Variants in RECQL5 observed in about 807,000 individuals in gnomAD.
RECQL5 encodes the protein RecQ like helicase 5.
In RECQL5, 88 loss-of-function variants were observed where a neutral mutation model predicts 103.4. The ratio of observed to expected loss-of-function variants is 0.85; its 90% CI spans 0.72 to 1.02. RECQL5 has a LOEUF of 1.02. RECQL5 is among the 50% of genes least tolerant of loss of function. RECQL5 has a pLI of 0.00. For missense variants in RECQL5, 1,232 were observed against 1,284.3 expected (o/e 0.96, Z 0.62); for synonymous variants, 552 against 507.9 (o/e 1.09, Z -1.17).
chr17:75,647,588 T>C (rs2059504552), intron 8 of RECQL5: 2 of 1,548,786 alleles, frequency 1.3e-6, no homozygotes, highest in Non-Finnish European at 1.7e-6. Flanking sequence ...GGGACTGAGA[T>C]GGCAGCAGGG....
chr17:75,632,166 A>G (rs1291425779), intron 8 of RECQL5, among the ~76,000 whole-genome samples: 2 of 152,222 alleles, frequency 1.3e-5, no homozygotes, highest in African/African-American at 4.8e-5. Flanking sequence ...TGCACAGCCA[A>G]TGGTGGTCCC....
intron 16 of RECQL5, 68 bp downstream of exon 16, chr17:75,628,866 C>T (rs562416500): frequency 1.4e-4 from 224 of 1,586,418 alleles, no homozygotes; most frequent in Admixed American, 2.0e-4. Context: ...GAGCTTCAGA[C>T]GCCCAGTGAG....
rs576748122 is a variant in RECQL5 at position 75,651,132 on chromosome 17, G to A, written c.1229+54C>T. On this transcript the variant is annotated intron_variant, in intron 8 of 19. Coordinates refer to ENST00000317905, the MANE Select transcript of RECQL5 (RefSeq NM_004259.7). ...CAGCTGCTTAACTAGGGCGTGCCGGGGAAGTAAATGATCTCACTGACACTT... is the reference window on the plus strand; with the variant it reads ...CAGCTGCTTAACTAGGGCGTGCCGGAGAAGTAAATGATCTCACTGACACTT... 1.2e-5 allele frequency: 20 copies of A among 1,613,784 alleles called. No homozygotes were observed. The African/African-American group carries it at 1.9e-4, about 15-fold the overall frequency.
intron 8 of RECQL5, chr17:75,639,919 G>A (rs1413887348): frequency 2.5e-5 from 9 of 356,772 alleles, no homozygotes; most frequent in African/African-American, 1.7e-4. Flanking sequence ...ACCAGCCGCC[G>A]CCTTGGCCGG....
chr17:75,627,405 G>C lies in RECQL5; in HGVS notation c.*17C>G. 1 of 1,604,084 alleles carries C rather than the reference G, an allele frequency of 6.2e-7. No homozygotes were observed. Among genetic ancestry groups the C allele is most frequent in the South Asian group, 1.1e-5 (1 of 90,872 alleles). On this transcript the variant is annotated 3_prime_UTR_variant, in exon 20 of 20. Coordinates refer to ENST00000317905, the MANE Select transcript of RECQL5 (RefSeq NM_004259.7). ...GAATCTGGGGGAGGACGCGGGCCCT[G>C]CCCAGCCAGCAGTTGGTCATCTCTG...
In RECQL5 at chr17:75,640,990, G is replaced by C; in HGVS notation, c.1230-9322C>G. 2 of 1,498,600 alleles carry C rather than the reference G, an allele frequency of 1.3e-6. No homozygotes were observed. Among genetic ancestry groups the C allele is most frequent in the Non-Finnish European group, 1.8e-6 (2 of 1,121,032 alleles). 92.8% of individuals were successfully genotyped at this position (1,498,600 alleles called of 1,614,324 possible). A position where few individuals can be genotyped will look rare whatever the true frequency, so the allele number is the denominator to read the frequency against. On this transcript the variant is annotated intron_variant, in intron 8 of 19. Coordinates refer to ENST00000317905, the MANE Select transcript of RECQL5 (RefSeq NM_004259.7). The surrounding 1 kb of genome is among the most constrained non-coding windows in gnomAD (Gnocchi z 4.6). ...TGGCCCTGCAGCCCTTACCCCTCAA[G>C]ACCAGGCTCCCCTGGCCCCAGCTCT... is the stretch of plus-strand genomic sequence containing the variant.
chr17:75,666,023 T>C (rs891637203), intron 2 of RECQL5, among the ~76,000 whole-genome samples: 8 of 152,190 alleles, frequency 5.3e-5, no homozygotes, highest in African/African-American at 1.9e-4. Context: ...ACTGTTGCTG[T>C]TCGTTTGTGT....
chr17:75,658,251 G>C (rs1282578462), intron 7 of RECQL5, 47 bp downstream of exon 7: 16 of 1,578,760 alleles, frequency 1.0e-5, no homozygotes, highest in Non-Finnish European at 1.4e-5. Flanking sequence ...CACAAAACTG[G>C]AGAGTGGTGG....
In RECQL5 at chr17:75,636,947, G is replaced by A. The variant is rs1190927902; in HGVS notation, c.1230-5279C>T. The A allele has an allele frequency of 6.6e-6, 1 of 152,222 alleles. No homozygotes were observed. Among genetic ancestry groups the A allele is most frequent in the African/African-American group, 2.4e-5 (1 of 41,466 alleles). The allele number at this position is 152,222 out of a possible 1,614,324, so 9.4% of individuals were successfully genotyped here. Reference sequence around the variant, plus strand: ...CCAGTCAGCCCCCTAGGGAAGCCCTGGGCGCAAAGCTATGACACTGTCCAC... The same window carrying A: ...CCAGTCAGCCCCCTAGGGAAGCCCTAGGCGCAAAGCTATGACACTGTCCAC... On this transcript the variant is annotated intron_variant, in intron 8 of 19. Transcript: ENST00000317905. This position sits in a 1 kb window ranked among gnomAD's most constrained non-coding sequence, Gnocchi z 5.4.
intron 8 of RECQL5, chr17:75,649,167 A>C (rs1236280493): frequency 1.3e-5 from 2 of 152,224 alleles, no homozygotes; most frequent in Non-Finnish European, 2.9e-5. Context: ...CCCAGGAAAC[A>C]ACAGGGCCCA....
At chr17:75,650,646 C>G (rs2059542946) in intron 8 of RECQL5, 1 of 1,613,842 alleles carries the variant, frequency 6.2e-7, no homozygotes, top group Non-Finnish European at 8.5e-7. Flanking sequence ...GCACTCACAG[C>G]TCCGCATGCC....
chr17:75,629,216 G>A lies in RECQL5; in HGVS notation c.2207C>T (p.Ser736Phe), dbSNP rs1278776334. 5 of 1,613,166 alleles carry A rather than the reference G, an allele frequency of 3.1e-6. No individual in the cohort carries two copies. The South Asian group carries it at 4.4e-5, about 14-fold the overall frequency. The part of the protein sequence containing the change: ...PSPEKKAKSS[S>F]GGSSLAKGRA... ...GCCCTTGGCAAGGGAGCTGCCCCCAGAGGAACTTTTTGCCTTCTTCTCAGG... is the reference window on the plus strand; with the variant it reads ...GCCCTTGGCAAGGGAGCTGCCCCCAAAGGAACTTTTTGCCTTCTTCTCAGG... The change falls in exon 16 of 20, where the codon TCT (serine) becomes TTT (phenylalanine). Residue 736 changes from serine (S) to phenylalanine (F), a missense_variant. By Grantham distance (155) the Ser-to-Phe change is radical. Coordinates refer to ENST00000317905, the MANE Select transcript of RECQL5 (RefSeq NM_004259.7).
intron 6 of RECQL5, among the ~76,000 whole-genome samples, chr17:75,658,825 A>G (rs1404924583): frequency 2.0e-5 from 3 of 152,142 alleles, no homozygotes; most frequent in Non-Finnish European, 4.4e-5. Context: ...GGAAAGGAAT[A>G]ATATTTATTA....
rs1383111291 is a variant in RECQL5 at position 75,662,461 on chromosome 17, T to C, written c.771+18A>G. ...CCACTGCTCTAACAGCTGCTTGGCC[T>C]CCACCTCAATGCCTCACCCCTTTAT... On this transcript the variant is annotated intron_variant, in intron 4 of 19. Transcript: ENST00000317905. 1 of 1,607,232 alleles carries C rather than the reference T, an allele frequency of 6.2e-7. No individual in the cohort carries two copies.
chr17:75,650,370 A>G (rs960624042), intron 8 of RECQL5: 21 of 1,171,940 alleles, frequency 1.8e-5, no homozygotes, highest in Non-Finnish European at 2.2e-5. Flanking sequence ...AGTTTCTCTG[A>G]TTTCCTCGCT....
Position 75,633,971 on chromosome 17 carries a change from G to C in RECQL5, c.1230-2303C>G. 7.1e-6 allele frequency: 7 copies of C among 985,628 alleles called. No individual in the cohort carries two copies. The South Asian group carries it at 2.8e-4, about 40-fold the overall frequency. The allele number at this position is 985,628 out of a possible 1,614,324, so 61.1% of individuals were successfully genotyped here. On this transcript the variant is annotated intron_variant, in intron 8 of 19. Transcript: ENST00000317905. ...ACCGGGACATGAAGTTGGAGGACAAGTTCCCAAGCAGGGCTTCCTCGGGCT... is the reference window on the plus strand; with the variant it reads ...ACCGGGACATGAAGTTGGAGGACAACTTCCCAAGCAGGGCTTCCTCGGGCT...
At chr17:75,634,717 C>G (rs2059286588) in intron 8 of RECQL5, among the ~76,000 whole-genome samples, 1 of 152,232 alleles carries the variant, frequency 6.6e-6, no homozygotes, top group Non-Finnish European at 1.5e-5. Context: ...GTGTTCTCAG[C>G]TCACGGCTCA....
intron 2 of RECQL5, among the ~76,000 whole-genome samples, chr17:75,665,572 C>T (rs1283527431): frequency 6.6e-6 from 1 of 151,994 alleles, no homozygotes; most frequent in Non-Finnish European, 1.5e-5. Context: ...TGCCTGTAAT[C>T]CCAGCTACTC....
At chr17:75,664,929 A>G in intron 3 of RECQL5, 122 bp downstream of exon 3, 2 of 1,334,794 alleles carry the variant, frequency 1.5e-6, no homozygotes, top group Non-Finnish European at 2.0e-6. Context: ...AAAAAAAAAA[A>G]AGGAAAAAGA....
Sources: gnomAD v4.1 joint callset for allele counts (sites outside exome capture counted in the v4.1 genomes callset) on GRCh38, gnomAD v4.1.1 for gene constraint, Gnocchi (gnomAD v3.1) non-coding constraint, MANE v1.5 for transcripts, NCBI Gene and HGNC (gene_info 2026-07-23, HGNC 2026-07-21) for gene names.